The following GRIA2 variants were observed in gnomAD, a reference collection of about 807,000 sequenced individuals.
The protein encoded by GRIA2 is glutamate ionotropic receptor AMPA type subunit 2.
GRIA2 carries 14 observed loss-of-function variants against 97.3 expected under a neutral mutation model. The observed-to-expected ratio is 0.14, with a 90% CI of 0.10 to 0.23. The LOEUF (loss-of-function observed/expected upper bound fraction) is 0.23. Ranked by LOEUF, GRIA2 falls within the 10% of genes least tolerant of loss-of-function variation. The probability of loss-of-function intolerance (pLI) is 1.00; values close to 1 mark genes in which losing one functional copy is unlikely to be tolerated. For missense variants in GRIA2, 558 were observed against 1,069.8 expected, an observed-to-expected ratio of 0.52 and a Z score of 6.67; for synonymous variants, 412 against 387.8, an observed-to-expected ratio of 1.06 and a Z score of -0.73.
chr4:157,338,000 A>ATATATGTG (rs1469079415), intron 11 of GRIA2, among the ~76,000 whole-genome samples: 1 of 122,196 alleles, frequency 8.2e-6, no homozygotes, highest in Non-Finnish European at 1.7e-5. Context: ...ATGTGTGTAT[A>ATATATGTG]TATATGTGTA....
At chr4:157,353,487 G>A (rs781004207) in intron 12 of GRIA2, among the ~76,000 whole-genome samples, 3 of 151,550 alleles carry the variant, frequency 2.0e-5, no homozygotes, top group African/African-American at 4.9e-5. Context: ...TGGCTAACAC[G>A]ATGAAACCCC....
At chr4:157,348,437 C>T (rs1430390163) in intron 12 of GRIA2, among the ~76,000 whole-genome samples, 1 of 152,086 alleles carries the variant, frequency 6.6e-6, no homozygotes, top group East Asian at 1.9e-4. Context: ...CGAGATCTCC[C>T]TATGTTGCCC....
Position 157,258,380 on chromosome 4 carries a change from A to C in GRIA2, c.229+36573A>C, listed in dbSNP as rs1395945641. ...ACTCTGGGGACGTCTGTCTTTTTAC[A>C]GTTGAAGATAAGGGATGAAATAAGC... On this transcript the variant is annotated intron_variant, in intron 2 of 15. Coordinates refer to ENST00000264426, the MANE Select transcript of GRIA2 (RefSeq NM_001083619.3). Among the ~76,000 whole-genome samples the C allele has an allele frequency of 2.6e-5, 4 of 152,102 alleles. No homozygotes were observed. The East Asian group carries it at 7.8e-4, about 30-fold the overall frequency.
intron 2 of GRIA2, among the ~76,000 whole-genome samples, chr4:157,270,826 T>G (rs1731988094): frequency 6.6e-6 from 1 of 151,852 alleles, no homozygotes; most frequent in South Asian, 2.1e-4. Context: ...GAGGAGGCCG[T>G]CTGTAGTGTA....
In GRIA2 at chr4:157,364,414, TCAAATGTAATCTTGCCCC is replaced by T. The variant is rs1736786367; in HGVS notation, c.*988_*1005del. ...CCTTTTAAAAAGGCCAGGTGATTTT[TCAAATGTAATCTTGCCCC>T]CAAAGTAATATCTGAATATCTTTTT... On this transcript the variant is annotated 3_prime_UTR_variant, in exon 16 of 16. Transcript: ENST00000264426. The T allele has an allele frequency of 1.3e-5, 2 of 152,042 alleles. No individual in the cohort carries two copies. Among genetic ancestry groups the T allele is most frequent in the African/African-American group, 4.8e-5 (2 of 41,392 alleles). The allele number at this position is 152,042 out of a possible 1,614,324, so 9.4% of individuals were successfully genotyped here.
At chr4:157,318,503 T>C (rs1734422065) in intron 5 of GRIA2, among the ~76,000 whole-genome samples, 1 of 152,168 alleles carries the variant, frequency 6.6e-6, no homozygotes, top group African/African-American at 2.4e-5. Flanking sequence ...GGGTTTGTGT[T>C]TTCTCTGGGC....
At chr4:157,256,256 T>A (rs1041297771) in intron 2 of GRIA2, among the ~76,000 whole-genome samples, 3 of 90,226 alleles carry the variant, frequency 3.3e-5, no homozygotes, top group African/African-American at 1.3e-4. Context: ...AATATATAAA[T>A]TATATATTAC....
intron 2 of GRIA2, among the ~76,000 whole-genome samples, chr4:157,265,691 A>G (rs1302631798): frequency 6.6e-6 from 1 of 152,134 alleles, no homozygotes; most frequent in Admixed American, 6.6e-5. Context: ...AGCCAACTTT[A>G]TTCTGCCACA....
Position 157,359,876 on chromosome 4 carries a change from G to T in GRIA2, c.2044-20G>T, listed in dbSNP as rs762867027. 2.5e-6 allele frequency: 4 copies of T among 1,610,078 alleles called. No homozygotes were observed. The highest frequency in any genetic ancestry group is 3.4e-6 in the Non-Finnish European group (4 of 1,177,326). The stretch of plus-strand genomic sequence containing the variant: ...TAGGGCCATCTCTTAATGCTATCTG[G>T]CCCCTTACTTTTCCTGCAGAGATCT... On this transcript the variant is annotated intron_variant, in intron 12 of 15. Transcript: ENST00000264426.
chr4:157,312,819 G>T lies in GRIA2; in HGVS notation c.610G>T (p.Glu204Ter). 6.2e-7 allele frequency: 1 copy of T among 1,611,572 alleles called. No homozygotes were observed. Among genetic ancestry groups the T allele is most frequent in the South Asian group, 1.1e-5 (1 of 90,932 alleles). ...SLFQDLELKK[E>*]RRVILDCERD... ...TTTTCAAGATCTGGAGTTAAAAAAG[G>T]AACGGCGTGTAATTCTGGACTGTGA... Residue 204 changes from glutamate (E) to a stop codon, truncating the protein, a stop_gained, in exon 4 of 16, where the codon GAA becomes TAA. Coordinates refer to ENST00000264426, the MANE Select transcript of GRIA2 (RefSeq NM_001083619.3). LOFTEE classifies it high-confidence loss of function.
chr4:157,231,219 A>G (rs556834089), intron 2 of GRIA2, among the ~76,000 whole-genome samples: 1 of 152,162 alleles, frequency 6.6e-6, no homozygotes, highest in Non-Finnish European at 1.5e-5. Context: ...TTTGTATTTT[A>G]GTAGAGATGG....
intron 2 of GRIA2, among the ~76,000 whole-genome samples, chr4:157,276,356 C>G (rs1239919424): frequency 1.3e-5 from 2 of 151,952 alleles, no homozygotes; most frequent in Non-Finnish European, 2.9e-5. Flanking sequence ...TGCAACTAAT[C>G]AAAATTTCTG....
At chr4:157,345,076 T>A (rs1469343559) in intron 12 of GRIA2, among the ~76,000 whole-genome samples, 1 of 152,130 alleles carries the variant, frequency 6.6e-6, no homozygotes, top group Non-Finnish European at 1.5e-5. Context: ...GTCTAAGATA[T>A]TTTCAGATTT....
intron 2 of GRIA2, among the ~76,000 whole-genome samples, chr4:157,289,289 T>C (rs572584373): frequency 2.6e-4 from 39 of 152,036 alleles, no homozygotes; most frequent in Non-Finnish European, 4.9e-4. Context: ...ATGTTTTTTG[T>C]TTAGTACCTG....
chr4:157,232,611 G>A (rs1730068026), intron 2 of GRIA2, among the ~76,000 whole-genome samples: 3 of 152,080 alleles, frequency 2.0e-5, no homozygotes, highest in Non-Finnish European at 2.9e-5. Context: ...TGAGAACACA[G>A]GCAACAATTC....
At chr4:157,226,816 T>C (rs913507009) in intron 2 of GRIA2, among the ~76,000 whole-genome samples, 2 of 152,146 alleles carry the variant, frequency 1.3e-5, no homozygotes, top group Non-Finnish European at 2.9e-5. Flanking sequence ...CAAGTTGGAC[T>C]TTCTTAAGCA....
In GRIA2 at chr4:157,221,079, C is replaced by G. The variant is rs144979119; in HGVS notation, c.37C>G (p.Pro13Ala). The G allele has an allele frequency of 1.3e-6, 2 of 1,596,796 alleles. No individual in the cohort carries two copies. Among genetic ancestry groups the G allele is most frequent in the Non-Finnish European group, 1.7e-6 (2 of 1,164,238 alleles). Reference sequence around the variant, plus strand: ...TATGCATATTTCTGTCCTCCTTTCTCCTGTTTTATGGGGACTGATTTTTGG... The same window carrying G: ...TATGCATATTTCTGTCCTCCTTTCTGCTGTTTTATGGGGACTGATTTTTGG... ...KIMHISVLLS[P>A]VLWGLIFGVS... Residue 13 changes from proline to alanine, a missense_variant, in exon 1 of 16, where the codon CCT becomes GCT. Physicochemically the swap from Pro to Ala is conservative, Grantham distance 27. Coordinates refer to ENST00000264426, the MANE Select transcript of GRIA2 (RefSeq NM_001083619.3).
intron 11 of GRIA2, among the ~76,000 whole-genome samples, chr4:157,338,418 C>T (rs2126945318): frequency 6.6e-6 from 1 of 152,032 alleles, no homozygotes; most frequent in South Asian, 2.1e-4. Context: ...GATGGCACTG[C>T]AGGTAGTTGT....
chr4:157,230,462 G>A (rs538752314), intron 2 of GRIA2, among the ~76,000 whole-genome samples: 42 of 152,252 alleles, frequency 2.8e-4, no homozygotes, highest in Middle Eastern at 6.8e-3. Context: ...GTACTTGGCA[G>A]GGCTGTAAGA....
Sources: allele counts gnomAD v4.1 joint callset (sites outside exome capture counted in the v4.1 genomes callset), GRCh38; gene constraint gnomAD v4.1.1; transcripts MANE v1.5; gene names NCBI Gene and HGNC (gene_info 2026-07-23, HGNC 2026-07-21).